The following PARD3 variants were observed in gnomAD, a reference collection of about 807,000 sequenced individuals.
The protein encoded by PARD3 is par-3 family cell polarity regulator.
In PARD3, 75 loss-of-function variants were observed where a neutral mutation model predicts 155.4. The observed-to-expected ratio is 0.48, with a 90% confidence interval of 0.40 to 0.58. PARD3 has a LOEUF of 0.58. Ranked by LOEUF, PARD3 falls within the 20% of genes least tolerant of loss-of-function variation. The pLI, the probability that PARD3 is intolerant of heterozygous loss-of-function variation, is 0.00. For synonymous variants in PARD3, 576 were observed against 610.5 expected (o/e 0.94, Z 0.83); for missense variants, 1,642 against 1,721.7 (o/e 0.95, Z 0.82).
chr10:34,445,175 T>A (rs983103744), intron 5 of PARD3, among the ~76,000 whole-genome samples: 6 of 152,150 alleles, frequency 3.9e-5, no homozygotes, highest in Admixed American at 2.6e-4. Context: ...AGACATCAGG[T>A]CATTAAAGTC....
intron 19 of PARD3, among the ~76,000 whole-genome samples, chr10:34,324,211 C>T (rs1206379472): frequency 6.6e-6 from 1 of 152,160 alleles, no homozygotes; most frequent in African/African-American, 2.4e-5. Flanking sequence ...CTTTACTTTG[C>T]TTTTGTGTGT....
chr10:34,419,205 G>C (rs548115366), intron 5 of PARD3, among the ~76,000 whole-genome samples: 2 of 152,058 alleles, frequency 1.3e-5, no homozygotes, highest in Non-Finnish European at 2.9e-5. Context: ...GTGTTGAGGG[G>C]AGAATGGATA....
intron 8 of PARD3, among the ~76,000 whole-genome samples, chr10:34,383,831 A>G (rs1842090606): frequency 6.6e-6 from 1 of 152,204 alleles, no homozygotes; most frequent in Admixed American, 6.5e-5. Context: ...GGTGAGTTAA[A>G]GTATGATAAA....
chr10:34,559,277 A>C (rs16935530), intron 2 of PARD3, among the ~76,000 whole-genome samples: 4,464 of 152,252 alleles, frequency 0.029, 218 homozygotes, highest in African/African-American at 0.1. Context: ...TTGTAGGCTA[A>C]TTGATACAAA....
At chr10:34,192,721 G>A (rs1019178334) in intron 22 of PARD3, among the ~76,000 whole-genome samples, 1 of 152,110 alleles carries the variant, frequency 6.6e-6, no homozygotes, top group Admixed American at 6.5e-5. Flanking sequence ...TTCCTGTCTT[G>A]CTCCTAGAAT....
intron 5 of PARD3, among the ~76,000 whole-genome samples, chr10:34,420,734 C>T (rs921836511): frequency 2.6e-5 from 4 of 152,156 alleles, no homozygotes; most frequent in Non-Finnish European, 5.9e-5. Flanking sequence ...ACAAAGACTA[C>T]GATGGCAATC....
At chr10:34,426,513 C>G (rs920505793) in intron 5 of PARD3, among the ~76,000 whole-genome samples, 1 of 151,988 alleles carries the variant, frequency 6.6e-6, no homozygotes, top group Admixed American at 6.6e-5. Context: ...GAATCCACTT[C>G]TATAATTAAA....
At chr10:34,156,042 T>C (rs1465790539) in intron 22 of PARD3, among the ~76,000 whole-genome samples, 1 of 151,818 alleles carries the variant, frequency 6.6e-6, no homozygotes, top group Non-Finnish European at 1.5e-5. Context: ...GTGGGAAGCC[T>C]ATGCATGCCA....
chr10:34,218,385 G>GA (rs1952112074), intron 22 of PARD3, among the ~76,000 whole-genome samples: 1 of 152,120 alleles, frequency 6.6e-6, no homozygotes, highest in African/African-American at 2.4e-5. Flanking sequence ...TAACCACCAT[G>GA]AAAAAACAAG....
At chr10:34,388,596 A>C (rs1842577748) in intron 7 of PARD3, among the ~76,000 whole-genome samples, 1 of 152,342 alleles carries the variant, frequency 6.6e-6, no homozygotes, top group Non-Finnish European at 1.5e-5. Flanking sequence ...CTAAAGTAAT[A>C]AAGAACCAAC....
At chr10:34,652,680 T>C (rs2093047730) in intron 2 of PARD3, among the ~76,000 whole-genome samples, 1 of 152,148 alleles carries the variant, frequency 6.6e-6, no homozygotes, top group African/African-American at 2.4e-5. Context: ...AACAAGGAAA[T>C]GACTGCCCTC....
rs147747008 is a variant in PARD3, at chr10:34,111,142, G to T, written c.*27C>A. The T allele has an allele frequency of 6.6e-7, 1 of 1,517,086 alleles. No individual in the cohort carries two copies. The highest frequency in any genetic ancestry group is 1.3e-5 in the South Asian group (1 of 74,558). 94.0% of individuals were successfully genotyped at this position (1,517,086 alleles called of 1,614,324 possible). A position where few individuals can be genotyped will look rare whatever the true frequency, so the allele number is the denominator to read the frequency against. The stretch of plus-strand genomic sequence containing the variant: ...CATAGGAAAATGTCTTTTATTGCGC[G>T]ACATGAAGCATCCGTTATTTGCGTG... On this transcript the variant is annotated 3_prime_UTR_variant, in exon 25 of 25. Transcript: ENST00000374788.
At chr10:34,146,968 T>TTTA (rs1363860922) in intron 22 of PARD3, among the ~76,000 whole-genome samples, 4 of 152,080 alleles carry the variant, frequency 2.6e-5, no homozygotes, top group Non-Finnish European at 5.9e-5. Flanking sequence ...AAGAACCGAG[T>TTTA]GGTAAGCTGA....
chr10:34,811,891 G>A (rs1204037647), intron 1 of PARD3, among the ~76,000 whole-genome samples: 1 of 152,188 alleles, frequency 6.6e-6, no homozygotes, highest in Admixed American at 6.5e-5. Context: ...AACGGTCCAT[G>A]TAACGCGGTT....
At chr10:34,594,960 A>G (rs2134407130) in intron 2 of PARD3, among the ~76,000 whole-genome samples, 1 of 152,318 alleles carries the variant, frequency 6.6e-6, no homozygotes, top group East Asian at 1.9e-4. Flanking sequence ...CCTTGGAGTC[A>G]TTCTCTTTCT....
intron 16 of PARD3, among the ~76,000 whole-genome samples, chr10:34,339,351 C>T (rs577916614): frequency 2.6e-5 from 4 of 151,242 alleles, no homozygotes; most frequent in East Asian, 3.9e-4. Context: ...AGCGAGACTC[C>T]GTCTCAAAAA....
chr10:34,226,263 C>T (rs1952594680), intron 22 of PARD3, among the ~76,000 whole-genome samples: 1 of 152,146 alleles, frequency 6.6e-6, no homozygotes, highest in African/African-American at 2.4e-5. Flanking sequence ...AAAGGATACA[C>T]AATAGGCTGG....
At chr10:34,376,923 G>T (rs1208068634) in intron 10 of PARD3, among the ~76,000 whole-genome samples, 1 of 151,914 alleles carries the variant, frequency 6.6e-6, no homozygotes, top group Non-Finnish European at 1.5e-5. Flanking sequence ...AAGAAAAATG[G>T]TTTAAAACAT....
At chr10:34,206,483 T>C (rs1165537842) in intron 22 of PARD3, among the ~76,000 whole-genome samples, 5 of 152,154 alleles carry the variant, frequency 3.3e-5, no homozygotes, top group Admixed American at 3.3e-4. Context: ...AACTGGGGCT[T>C]AGCCCGGGAA....
Sources: gnomAD v4.1 joint callset for allele counts (sites outside exome capture counted in the v4.1 genomes callset) on GRCh38, gnomAD v4.1.1 for gene constraint, MANE v1.5 for transcripts, NCBI Gene and HGNC (gene_info 2026-07-23, HGNC 2026-07-21) for gene names.